Variants in FKTN observed in about 807,000 individuals in gnomAD.
FKTN encodes fukutin, also known as ribitol-5-phosphate transferase FKTN.
A neutral mutation model predicts 58.6 loss-of-function variants in FKTN; 47 were observed. The ratio of observed to expected loss-of-function variants is 0.80; its 90% CI spans 0.63 to 1.02. FKTN has a LOEUF of 1.02. Among genes scored for constraint, FKTN ranks in the 50% least tolerant of loss-of-function variants. The pLI, the probability that FKTN is intolerant of heterozygous loss-of-function variation, is 0.00. For missense variants in FKTN, 516 were observed against 537.3 expected (o/e 0.96, Z 0.39); for synonymous variants, 178 against 191.9 (o/e 0.93, Z 0.60).
chr9:105,629,578 T>C (rs1191557631), intron 10 of FKTN, among the ~76,000 whole-genome samples: 1 of 152,204 alleles, frequency 6.6e-6, no homozygotes, highest in African/African-American at 2.4e-5. Context: ...TGGGAAGTTA[T>C]GTGGTTATGT....
chr9:105,567,817 A>G (rs1839960595), intron 1 of FKTN, among the ~76,000 whole-genome samples: 1 of 152,244 alleles, frequency 6.6e-6, no homozygotes, highest in African/African-American at 2.4e-5. Context: ...GAAGCAAAAA[A>G]GAGCCCGCCT....
intron 10 of FKTN, among the ~76,000 whole-genome samples, chr9:105,628,704 T>C (rs780066288): frequency 1.3e-5 from 2 of 152,224 alleles, no homozygotes; most frequent in African/African-American, 4.8e-5. Flanking sequence ...AATTATGATA[T>C]ATTCAAACAA....
chr9:105,566,688 G>A (rs1483756977), intron 1 of FKTN, among the ~76,000 whole-genome samples: 2 of 152,138 alleles, frequency 1.3e-5, no homozygotes, highest in Non-Finnish European at 2.9e-5. Context: ...AGGACCAGAT[G>A]GATTCACAGC....
At chr9:105,617,692 T>G (rs770674268) in intron 8 of FKTN, among the ~76,000 whole-genome samples, 3 of 152,040 alleles carry the variant, frequency 2.0e-5, no homozygotes, top group Non-Finnish European at 2.9e-5. Context: ...GTCATTTAGT[T>G]TGAGGTTTAA....
chr9:105,607,294 T>C (rs1829071147), intron 6 of FKTN, among the ~76,000 whole-genome samples: 1 of 152,116 alleles, frequency 6.6e-6, no homozygotes, highest in East Asian at 1.9e-4. Flanking sequence ...GTGTCTTAAG[T>C]GTTAAAAACA....
chr9:105,630,869 C>A (rs530931906), intron 10 of FKTN, among the ~76,000 whole-genome samples: 8 of 152,240 alleles, frequency 5.3e-5, no homozygotes, highest in Middle Eastern at 3.4e-3. Flanking sequence ...CATGGTGGCT[C>A]ACATCTGTAA....
At chr9:105,600,863 T>A (rs1002774267) in intron 4 of FKTN, 1 of 242,096 alleles carries the variant, frequency 4.1e-6, no homozygotes, top group Non-Finnish European at 8.1e-6. Context: ...GTATGGTAAA[T>A]TTGTAGCTTA....
intron 10 of FKTN, among the ~76,000 whole-genome samples, chr9:105,621,233 A>G (rs1016722282): frequency 3.9e-5 from 6 of 152,270 alleles, no homozygotes; most frequent in Admixed American, 6.5e-5. Context: ...CAGATTTTCT[A>G]TCATGTTACT....
intron 1 of FKTN, among the ~76,000 whole-genome samples, chr9:105,569,867 ACTTTTT>A (rs1840433982): frequency 6.6e-6 from 1 of 151,982 alleles, no homozygotes; most frequent in South Asian, 2.1e-4. Context: ...TCTCTGCAAT[ACTTTTT>A]CTTTTCTTTT....
At chr9:105,573,099 G>T (rs963918941) in intron 1 of FKTN, among the ~76,000 whole-genome samples, 16 of 152,188 alleles carry the variant, frequency 1.1e-4, no homozygotes, top group Admixed American at 7.9e-4. Flanking sequence ...GCCGAGTGTG[G>T]TGGCAGGCAC....
At chr9:105,570,536 T>A (rs1033290030) in intron 1 of FKTN, among the ~76,000 whole-genome samples, 5 of 152,182 alleles carry the variant, frequency 3.3e-5, no homozygotes, top group African/African-American at 9.7e-5. Context: ...GGCTTGCGCA[T>A]TTTGGAAAAC....
At chr9:105,595,745 G>T (rs1826664545) in intron 3 of FKTN, among the ~76,000 whole-genome samples, 2 of 152,134 alleles carry the variant, frequency 1.3e-5, no homozygotes, top group African/African-American at 2.4e-5. Context: ...TGAATGTGAG[G>T]TTTAATGGGG....
rs567176421 is a variant in FKTN, at chr9:105,579,337, A to G, written c.105+4200A>G. Among the ~76,000 whole-genome samples, 45 of 152,066 alleles carry G rather than the reference A, an allele frequency of 3.0e-4. No homozygotes were observed. The South Asian group carries it at 9.2e-3, about 31-fold the overall frequency. ...AATTTCCCTCTACACATTGCTTTAA[A>G]CATGTCCCAGAGATTCTGGTATGTC... On this transcript the variant is annotated intron_variant, in intron 3 of 10. Transcript: ENST00000357998.
intron 6 of FKTN, among the ~76,000 whole-genome samples, chr9:105,605,312 A>G (rs1307053009): frequency 6.6e-6 from 1 of 152,166 alleles, no homozygotes; most frequent in African/African-American, 2.4e-5. Flanking sequence ...CTTTATTTTA[A>G]TATAAAGAAC....
At position 105,639,265 on chromosome 9, in the gene FKTN, AT is replaced by A; in HGVS notation, c.*4002del. 2.0e-6 allele frequency: 2 copies of A among 985,400 alleles called. No individual in the cohort carries two copies. Among genetic ancestry groups the A allele is most frequent in the Non-Finnish European group, 2.4e-6 (2 of 829,908 alleles). The allele number at this position is 985,400 out of a possible 1,614,324, so 61.0% of individuals were successfully genotyped here. On this transcript the variant is annotated 3_prime_UTR_variant, in exon 11 of 11. Coordinates refer to ENST00000357998, the MANE Select transcript of FKTN (RefSeq NM_001079802.2). ...CCCTCTTTCCTCCTTGTCTTCCACT[AT>A]CATTAAGACCTGGGCTAGATCACCT...
intron 3 of FKTN, among the ~76,000 whole-genome samples, chr9:105,592,938 C>T (rs1456635857): frequency 6.6e-6 from 1 of 152,158 alleles, no homozygotes; most frequent in African/African-American, 2.4e-5. Context: ...CCAAACTTTC[C>T]CTTTGCCTAT....
chr9:105,573,785 T>G (rs1003460513), intron 2 of FKTN, 39 bp downstream of exon 2: 1 of 152,182 alleles, frequency 6.6e-6, no homozygotes, highest in Non-Finnish European at 1.5e-5. Flanking sequence ...ATAAAAAGAT[T>G]AAATTACCTA....
rs1834230850 is a variant in FKTN, at chr9:105,638,806, G to A, written c.*3542G>A. The A allele has an allele frequency of 1.0e-6, 1 of 983,690 alleles. No individual in the cohort carries two copies. Among genetic ancestry groups the A allele is most frequent in the Non-Finnish European group, 1.2e-6 (1 of 828,612 alleles). 60.9% of individuals were successfully genotyped at this position (983,690 alleles called of 1,614,324 possible). A position where few individuals can be genotyped will look rare whatever the true frequency, so the allele number is the denominator to read the frequency against. The stretch of plus-strand genomic sequence containing the variant: ...AAATGCAGGTAGTTAAGAATAGATT[G>A]TACTCATTCCTTTTTGAGTTTGTGA... On this transcript the variant is annotated 3_prime_UTR_variant, in exon 11 of 11. Transcript: ENST00000357998.
chr9:105,606,103 A>T lies in FKTN; in HGVS notation c.647+1611A>T, dbSNP rs76138729. 6.6e-3 allele frequency among the ~76,000 whole-genome samples: 1,003 copies of T among 152,202 alleles called. 20 individuals carry two copies. The highest frequency in any genetic ancestry group is 0.023 in the African/African-American group (956 of 41,556). On this transcript the variant is annotated intron_variant, in intron 6 of 10. Transcript: ENST00000357998. ...AAAAAGTTCAAACACATGCTAAATT[A>T]TGTTCATGGATGTATACCCTTATAG...
Sources: allele counts gnomAD v4.1 joint callset (sites outside exome capture counted in the v4.1 genomes callset), GRCh38; gene constraint gnomAD v4.1.1; transcripts MANE v1.5; gene names NCBI Gene and HGNC (gene_info 2026-07-23, HGNC 2026-07-21).